Variants in LSM6 observed in about 807,000 individuals in gnomAD.
LSM6 encodes LSM6 homolog, U6 small nuclear RNA and mRNA degradation associated.
In LSM6, 2 loss-of-function variants were observed where a neutral mutation model predicts 13.5. That is an observed-to-expected ratio of 0.15 (90% CI 0.06 to 0.47). The LOEUF is 0.47. Ranked by LOEUF, LSM6 falls within the 20% of genes least tolerant of loss-of-function variation. The pLI is 0.97. For missense variants in LSM6, 58 were observed against 96.4 expected (o/e 0.60, Z 1.67); for synonymous variants, 43 against 34.9 (o/e 1.23, Z -0.82).
At position 146,190,735 on chromosome 4, in the gene LSM6, C is replaced by T. The variant is rs900218353; in HGVS notation, c.*1079C>T. ...TTCTCCAAACAGTTTTACGCTGTCTCTAGGAACAACAAATATATCTGGGCA... is the reference window on the plus strand; with the variant it reads ...TTCTCCAAACAGTTTTACGCTGTCTTTAGGAACAACAAATATATCTGGGCA... On this transcript the variant is annotated 3_prime_UTR_variant, in exon 4 of 4. Transcript: ENST00000296581. 1 of 152,250 alleles carries T rather than the reference C, an allele frequency of 6.6e-6. No individual in the cohort carries two copies. Among genetic ancestry groups the T allele is most frequent in the African/African-American group, 2.4e-5 (1 of 41,460 alleles). The allele number at this position is 152,250 out of a possible 1,614,324, so 9.4% of individuals were successfully genotyped here.
chr4:146,184,867 G>C (rs1282949135), intron 2 of LSM6, among the ~76,000 whole-genome samples: 1 of 152,136 alleles, frequency 6.6e-6, no homozygotes, highest in African/African-American at 2.4e-5. Context: ...ACTATCCAGA[G>C]ACAGTTTACC....
At position 146,189,896 on chromosome 4, in the gene LSM6, A is replaced by T. The variant is rs11556784; in HGVS notation, c.*240A>T. 3.9e-3 allele frequency: 1,530 copies of T among 396,530 alleles called. 22 individuals are homozygous for T. Among genetic ancestry groups the T allele is most frequent in the African/African-American group, 0.029 (1,405 of 47,912 alleles). The allele number at this position is 396,530 out of a possible 1,614,324, so 24.6% of individuals were successfully genotyped here. A position where few individuals can be genotyped will look rare whatever the true frequency, so the allele number is the denominator to read the frequency against. On this transcript the variant is annotated 3_prime_UTR_variant, in exon 4 of 4. Transcript: ENST00000296581. ...CAGTGTACAGAATGCTAAAATAATT[A>T]AAAAAAGACAAAATATACCTCTTCC...
At chr4:146,185,508 C>CA (rs542139047) in intron 2 of LSM6, among the ~76,000 whole-genome samples, 6,671 of 98,364 alleles carry the variant, frequency 0.068, 518 homozygotes, top group African/African-American at 0.2. Flanking sequence ...AACAACATAC[C>CA]AAAAAAAAAA....
intron 2 of LSM6, among the ~76,000 whole-genome samples, chr4:146,184,896 A>T (rs1216536328): frequency 1.3e-5 from 2 of 152,232 alleles, no homozygotes; most frequent in African/African-American, 4.8e-5. Context: ...CCTCTATATT[A>T]GCATAATTTG....
At chr4:146,179,612 G>C (rs1002860039) in intron 1 of LSM6, among the ~76,000 whole-genome samples, 6 of 152,180 alleles carry the variant, frequency 3.9e-5, no homozygotes, top group African/African-American at 1.4e-4. Flanking sequence ...CAGATGAGAA[G>C]CTTGTGAGCC....
intron 3 of LSM6, among the ~76,000 whole-genome samples, chr4:146,188,247 A>G (rs1461837645): frequency 6.6e-6 from 1 of 151,822 alleles, no homozygotes; most frequent in East Asian, 1.9e-4. Flanking sequence ...TATTTATCCT[A>G]TTTTTCATAT....
Position 146,183,420 on chromosome 4 carries a change from T to A in LSM6, c.94+405T>A, listed in dbSNP as rs1025080662. The A allele has an allele frequency of 1.1e-5, 2 of 185,960 alleles. 1 individual carries two copies. Among genetic ancestry groups the A allele is most frequent in the Non-Finnish European group, 2.3e-5 (2 of 87,342 alleles). The allele number at this position is 185,960 out of a possible 1,614,324, so 11.5% of individuals were successfully genotyped here. On this transcript the variant is annotated intron_variant, in intron 2 of 3. Coordinates refer to ENST00000296581, the MANE Select transcript of LSM6 (RefSeq NM_007080.3). ...TGAGTATCATTTTACAACCTGAATG[T>A]CCCACTCATATAACGTATAATGTGT...
At chr4:146,185,305 T>C (rs1730321323) in intron 2 of LSM6, among the ~76,000 whole-genome samples, 1 of 152,164 alleles carries the variant, frequency 6.6e-6, no homozygotes, top group Admixed American at 6.5e-5. Flanking sequence ...TAATATCTCA[T>C]TCTACATATA....
At position 146,180,019 on chromosome 4, in the gene LSM6, C is replaced by A. The variant is rs1192970999; in HGVS notation, c.-10-2893C>A. The stretch of plus-strand genomic sequence containing the variant: ...ACAGCTCCCTGCCGCAGAGGCGTCT[C>A]CTCCTTGCCTATGTAGATTTTACGT... On this transcript the variant is annotated intron_variant, in intron 1 of 3. Coordinates refer to ENST00000296581, the MANE Select transcript of LSM6 (RefSeq NM_007080.3). Among the ~76,000 whole-genome samples, 3 of 152,196 alleles carry A rather than the reference C, an allele frequency of 2.0e-5. No homozygotes were observed. In the East Asian group the frequency reaches 5.8e-4, roughly 29 times the overall value.
At chr4:146,182,760 C>G (rs1477123060) in intron 1 of LSM6, among the ~76,000 whole-genome samples, 152 bp from the exon 2 acceptor site, 1 of 152,252 alleles carries the variant, frequency 6.6e-6, no homozygotes, top group Middle Eastern at 3.2e-3. Context: ...AACATGTTAG[C>G]TGTCATGTAG....
At chr4:146,189,496 G>T in intron 3 of LSM6, 126 bp from the exon 4 acceptor site, 1 of 661,298 alleles carries the variant, frequency 1.5e-6, no homozygotes. Context: ...TTAATTGAAT[G>T]ATACGAGAAT....
At chr4:146,182,350 A>G (rs1282329586) in intron 1 of LSM6, among the ~76,000 whole-genome samples, 3 of 152,236 alleles carry the variant, frequency 2.0e-5, no homozygotes, top group Non-Finnish European at 4.4e-5. Flanking sequence ...TCTGTTCTAT[A>G]TAATACGGAC....
intron 1 of LSM6, chr4:146,176,125 G>T (rs951418254): frequency 1.3e-5 from 2 of 152,316 alleles, no homozygotes; most frequent in Admixed American, 1.3e-4. Flanking sequence ...GGCTCCTACC[G>T]AGTTGGCGTC....
intron 3 of LSM6, 84 bp from the exon 4 acceptor site, chr4:146,189,538 A>G (rs760127091): frequency 9.7e-6 from 8 of 823,240 alleles, no homozygotes; most frequent in Non-Finnish European, 1.6e-5. Context: ...TCAGACCAAA[A>G]TCTGTTGGCT....
intron 1 of LSM6, among the ~76,000 whole-genome samples, chr4:146,182,595 C>T (rs542250775): frequency 1.3e-5 from 2 of 152,360 alleles, no homozygotes; most frequent in South Asian, 2.1e-4. Context: ...GGTATACTGA[C>T]TATGTGTCAG....
chr4:146,177,270 C>G (rs1244569787), intron 1 of LSM6, among the ~76,000 whole-genome samples: 1 of 152,182 alleles, frequency 6.6e-6, no homozygotes, highest in Non-Finnish European at 1.5e-5. Flanking sequence ...CAGGCAGTCT[C>G]TCACTGAACT....
chr4:146,176,165 C>T (rs1482862856), intron 1 of LSM6: 5 of 152,332 alleles, frequency 3.3e-5, no homozygotes, highest in Admixed American at 3.3e-4. Context: ...TGAAGTTCCC[C>T]AGGGAGCCCC....
Position 146,191,410 on chromosome 4 carries a change from A to G in LSM6, c.*1754A>G, listed in dbSNP as rs1329147692. On this transcript the variant is annotated 3_prime_UTR_variant, in exon 4 of 4. Transcript: ENST00000296581. ...TATAAGTCTTTATTTTCCCCTTGCCATCTCTCTAGTTTAATAGCTCTACAG... is the reference window on the plus strand; with the variant it reads ...TATAAGTCTTTATTTTCCCCTTGCCGTCTCTCTAGTTTAATAGCTCTACAG... The G allele has an allele frequency of 6.6e-6, 1 of 152,128 alleles. No homozygotes were observed. Among genetic ancestry groups the G allele is most frequent in the Non-Finnish European group, 1.5e-5 (1 of 68,022 alleles). The allele number at this position is 152,128 out of a possible 1,614,324, so 9.4% of individuals were successfully genotyped here.
At chr4:146,184,356 T>C (rs890651133) in intron 2 of LSM6, among the ~76,000 whole-genome samples, 1 of 152,162 alleles carries the variant, frequency 6.6e-6, no homozygotes, top group Non-Finnish European at 1.5e-5. Context: ...GCTTTTTCCT[T>C]TGAAATCTCT....
Sources: allele counts gnomAD v4.1 joint callset (sites outside exome capture counted in the v4.1 genomes callset), GRCh38; gene constraint gnomAD v4.1.1; transcripts MANE v1.5; gene names NCBI Gene and HGNC (gene_info 2026-07-23, HGNC 2026-07-21).